The following SHC3 variants were observed in gnomAD, a reference collection of about 807,000 sequenced individuals.
SHC3 encodes the protein SHC adaptor protein 3.
Under a neutral mutation model 60.4 loss-of-function variants are expected in SHC3, and 15 were observed. The observed-to-expected ratio is 0.25, with a 90% CI of 0.17 to 0.38. The LOEUF is 0.38. SHC3 is among the 10% of genes least tolerant of loss of function. The pLI is 1.00. For missense variants in SHC3, 677 were observed against 786.1 expected, an observed-to-expected ratio of 0.86 and a Z score of 1.66; for synonymous variants, 294 against 325.9, an observed-to-expected ratio of 0.90 and a Z score of 1.05.
At chr9:89,068,879 T>G (rs1825225083) in intron 5 of SHC3, among the ~76,000 whole-genome samples, 1 of 152,218 alleles carries the variant, frequency 6.6e-6, no homozygotes, top group African/African-American at 2.4e-5. Context: ...GACATCTGCC[T>G]TTTATATGTC....
chr9:89,056,827 G>A (rs1824959269), intron 6 of SHC3, among the ~76,000 whole-genome samples: 1 of 152,256 alleles, frequency 6.6e-6, no homozygotes, highest in African/African-American at 2.4e-5. Context: ...TTCTGGCATA[G>A]GCCATTGCCT....
Position 89,060,131 on chromosome 9 carries a change from CGTGGTGGAGGGCG to C in SHC3, c.835+5385_835+5397del, listed in dbSNP as rs1194295722. On this transcript the variant is annotated intron_variant, in intron 6 of 11. Transcript: ENST00000375835. ...TGTGGTGGAGGACAATGGTGTAGGA[CGTGGTGGAGGGCG>C]GTGGTGGAGGGCGGTGGTGGAGGAT... is the stretch of plus-strand genomic sequence containing the variant. 1.6e-3 allele frequency among the ~76,000 whole-genome samples: 208 copies of C among 128,000 alleles called. 1 individual carries two copies. Among genetic ancestry groups the C allele is most frequent in the Middle Eastern group, 0.011 (2 of 178 alleles). The allele number at this position is 128,000 out of a possible 152,430, so 84.0% of individuals were successfully genotyped here.
chr9:89,069,682 C>T (rs902012555), intron 5 of SHC3, among the ~76,000 whole-genome samples: 5 of 152,362 alleles, frequency 3.3e-5, no homozygotes, highest in African/African-American at 1.2e-4. Context: ...AGCAGCAGGG[C>T]CCAAGCCTCT....
chr9:89,046,818 TA>T (rs763008829), intron 8 of SHC3, 25 bp downstream of exon 8: 1 of 1,489,306 alleles, frequency 6.7e-7, no homozygotes, highest in Non-Finnish European at 8.9e-7. Context: ...CCATTCCTTA[TA>T]TAAGAAAAAA....
rs778643283 is a variant in SHC3 at position 89,042,114 on chromosome 9, G to A, written c.1272C>T (p.Tyr424=). Reference sequence around the variant, plus strand: ...GTGGTGGGATCTGCTGAGTGTTGACGTAGGTGGGTGCTTCTCCCGTGGGGG... The same window carrying A: ...GTGGTGGGATCTGCTGAGTGTTGACATAGGTGGGTGCTTCTCCCGTGGGGG... ...HVAPTGEAPT[Y]VNTQQIPPQA... Residue 424 remains tyrosine (Y), a synonymous_variant, in exon 10 of 12, where the codon TAC becomes TAT. Transcript: ENST00000375835. 9.5e-6 allele frequency: 15 copies of A among 1,585,828 alleles called. No homozygotes were observed. The highest frequency in any genetic ancestry group is 3.9e-5 in the Admixed American group (2 of 51,816).
At chr9:89,064,645 G>A (rs1455936080) in intron 6 of SHC3, among the ~76,000 whole-genome samples, 1 of 152,086 alleles carries the variant, frequency 6.6e-6, no homozygotes. Flanking sequence ...AGGCAGTGGC[G>A]TGGGGGATGA....
At chr9:89,060,062 G>C (rs112375915) in intron 6 of SHC3, among the ~76,000 whole-genome samples, 7,869 of 150,598 alleles carry the variant, frequency 0.052, 273 homozygotes, top group Middle Eastern at 0.087. Flanking sequence ...GGACATGGTA[G>C]ATGACAGTAG....
intron 11 of SHC3, among the ~76,000 whole-genome samples, chr9:89,035,527 A>T (rs931376870): frequency 6.6e-6 from 1 of 152,158 alleles, no homozygotes; most frequent in Non-Finnish European, 1.5e-5. Flanking sequence ...GTAGAATAGA[A>T]TCCAGCACCC....
intron 11 of SHC3, among the ~76,000 whole-genome samples, chr9:89,021,007 C>G (rs552822520): frequency 6.6e-6 from 1 of 152,284 alleles, no homozygotes; most frequent in East Asian, 1.9e-4. Flanking sequence ...TAGGGATCTG[C>G]TGAGCTGCAG....
chr9:89,109,943 G>A (rs1825921835), intron 2 of SHC3: 3 of 985,300 alleles, frequency 3.0e-6, no homozygotes, highest in Non-Finnish European at 2.4e-6. Flanking sequence ...TGACCTGCAT[G>A]TTCCTTCATT....
chr9:89,090,283 G>A (rs574683536), intron 2 of SHC3, among the ~76,000 whole-genome samples: 45 of 152,354 alleles, frequency 3.0e-4, no homozygotes, highest in African/African-American at 1.0e-3. Flanking sequence ...ATGAGAACAT[G>A]AGACTAGATG....
intron 6 of SHC3, among the ~76,000 whole-genome samples, chr9:89,061,982 A>G (rs1253981241): frequency 6.6e-6 from 1 of 152,240 alleles, no homozygotes; most frequent in Non-Finnish European, 1.5e-5. Flanking sequence ...GGGAACTACT[A>G]TATAGGAAAC....
rs1825172363 is a variant in SHC3, at chr9:89,065,955, A to C, written c.784-375T>G. On this transcript the variant is annotated intron_variant, in intron 5 of 11. Transcript: ENST00000375835. ...GGATCGCCTGAGAAGCTTTAAACAC[A>C]CTGATACCTGCGTCCCAACATGCAG... Among the ~76,000 whole-genome samples, 2 of 152,186 alleles carry C rather than the reference A, an allele frequency of 1.3e-5. 1 individual carries two copies. Among genetic ancestry groups the C allele is most frequent in the African/African-American group, 4.8e-5 (2 of 41,440 alleles).
At chr9:89,176,456 T>C (rs1258955179) in intron 1 of SHC3, among the ~76,000 whole-genome samples, 1 of 152,252 alleles carries the variant, frequency 6.6e-6, no homozygotes, top group Non-Finnish European at 1.5e-5. Context: ...CTGTTTAATA[T>C]GACAGGTAGA....
At chr9:89,094,507 G>T (rs570289780) in intron 2 of SHC3, among the ~76,000 whole-genome samples, 2 of 152,322 alleles carry the variant, frequency 1.3e-5, no homozygotes, top group South Asian at 2.1e-4. Context: ...TAGGAAGATT[G>T]TAGAAGTAAT....
At chr9:89,076,801 A>C (rs1242741792) in intron 3 of SHC3, among the ~76,000 whole-genome samples, 1 of 152,138 alleles carries the variant, frequency 6.6e-6, no homozygotes, top group Non-Finnish European at 1.5e-5. Flanking sequence ...AATTTTTCAG[A>C]ATTTTATAAT....
intron 2 of SHC3, among the ~76,000 whole-genome samples, chr9:89,094,195 C>T (rs1029270330): frequency 2.6e-5 from 4 of 151,760 alleles, no homozygotes; most frequent in Admixed American, 6.6e-5. Flanking sequence ...AACAAAAACA[C>T]GAGGCAGCAG....
chr9:89,027,388 C>T (rs1367187594), intron 11 of SHC3, among the ~76,000 whole-genome samples: 5 of 143,420 alleles, frequency 3.5e-5, no homozygotes, highest in African/African-American at 8.1e-5. Context: ...GGCACGATCT[C>T]GGCTCACTGC....
intron 1 of SHC3, among the ~76,000 whole-genome samples, chr9:89,132,448 C>T (rs1482983536): frequency 6.6e-6 from 1 of 152,132 alleles, no homozygotes; most frequent in Non-Finnish European, 1.5e-5. Flanking sequence ...GCCTGCATTG[C>T]CAAGACAATC....
Sources: gnomAD v4.1 joint callset for allele counts (sites outside exome capture counted in the v4.1 genomes callset) on GRCh38, gnomAD v4.1.1 for gene constraint, MANE v1.5 for transcripts, NCBI Gene and HGNC (gene_info 2026-07-23, HGNC 2026-07-21) for gene names.